The following CNTNAP2 variants were observed in gnomAD, a reference collection of about 807,000 sequenced individuals.
CNTNAP2 encodes contactin-associated protein-like 2.
A neutral mutation model predicts 155.2 loss-of-function variants in CNTNAP2; 98 were observed. The observed-to-expected ratio is 0.63, with a 90% confidence interval of 0.54 to 0.75. The LOEUF (loss-of-function observed/expected upper bound fraction) is 0.75. Ranked by LOEUF, CNTNAP2 falls within the 30% of genes least tolerant of loss-of-function variation. The probability of loss-of-function intolerance (pLI) is 0.00; values close to 1 mark genes in which losing one functional copy is unlikely to be tolerated. For missense variants in CNTNAP2, 1,727 were observed against 1,688.1 expected (o/e 1.02, Z -0.40); for synonymous variants, 651 against 631.2 (o/e 1.03, Z -0.47).
chr7:146,671,204 A>C (rs1800298356), intron 1 of CNTNAP2, among the ~76,000 whole-genome samples: 1 of 152,194 alleles, frequency 6.6e-6, no homozygotes, highest in Non-Finnish European at 1.5e-5. Flanking sequence ...CAGTGAAGTC[A>C]TTAGTCTACT....
intron 13 of CNTNAP2, among the ~76,000 whole-genome samples, chr7:147,772,818 T>C (rs1020045452): frequency 6.6e-6 from 1 of 152,066 alleles, no homozygotes; most frequent in Non-Finnish European, 1.5e-5. Context: ...AACCATGTCA[T>C]TCCACACCCT....
chr7:147,366,140 G>A (rs191984896), intron 9 of CNTNAP2, among the ~76,000 whole-genome samples: 3 of 152,216 alleles, frequency 2.0e-5, no homozygotes, highest in East Asian at 1.9e-4. Flanking sequence ...CTATTCAGGC[G>A]TGCTGTTCTT....
intron 1 of CNTNAP2, among the ~76,000 whole-genome samples, chr7:146,177,918 G>A (rs1798492687): frequency 6.6e-6 from 1 of 152,188 alleles, no homozygotes; most frequent in Non-Finnish European, 1.5e-5. Context: ...GAACCATATT[G>A]TAGAGATTTC....
At chr7:146,396,226 G>A (rs1174812201) in intron 1 of CNTNAP2, among the ~76,000 whole-genome samples, 2 of 152,042 alleles carry the variant, frequency 1.3e-5, no homozygotes, top group African/African-American at 2.4e-5. Flanking sequence ...TTTCATAAAT[G>A]TGTTCTTTTC....
At chr7:146,979,011 A>G (rs1797964936) in intron 3 of CNTNAP2, among the ~76,000 whole-genome samples, 1 of 152,236 alleles carries the variant, frequency 6.6e-6, no homozygotes, top group African/African-American at 2.4e-5. Flanking sequence ...TGAAGATCTT[A>G]TTGATTTTCT....
At chr7:147,542,755 T>C (rs1451283277) in intron 11 of CNTNAP2, among the ~76,000 whole-genome samples, 1 of 152,242 alleles carries the variant, frequency 6.6e-6, no homozygotes, top group African/African-American at 2.4e-5. Flanking sequence ...AGTGACAATA[T>C]TTATGTGCTC....
At chr7:148,407,547 TAAA>T (rs995258874) in intron 22 of CNTNAP2, among the ~76,000 whole-genome samples, 16 of 151,504 alleles carry the variant, frequency 1.1e-4, no homozygotes, top group Admixed American at 2.0e-4. Context: ...CTACAAAAAA[TAAA>T]AAAATTTGCC....
rs182475819 is a variant in CNTNAP2, at chr7:147,703,825, A to T, written c.2098+64519A>T. Among the ~76,000 whole-genome samples, 210 of 152,056 alleles carry T rather than the reference A, an allele frequency of 1.4e-3. 1 individual carries two copies. Among genetic ancestry groups the T allele is most frequent in the African/African-American group, 4.8e-3 (201 of 41,474 alleles). The stretch of plus-strand genomic sequence containing the variant: ...TCCTTCTACCTAAATGTATGTTTGC[A>T]CTCTTTACCCAACTTCTCTTCGTCT... On this transcript the variant is annotated intron_variant, in intron 13 of 23. Transcript: ENST00000361727.
Position 148,298,915 on chromosome 7 carries a change from G to C in CNTNAP2, c.3475+31789G>C, listed in dbSNP as rs142206444. 5.6e-3 allele frequency among the ~76,000 whole-genome samples: 846 copies of C among 151,948 alleles called. 10 individuals are homozygous for C. Among genetic ancestry groups the C allele is most frequent in the African/African-American group, 0.019 (802 of 41,432 alleles). ...GGTCTCACTAAGTTGTCTATGGCTG[G>C]TCTCGAACTCCTGGGCTCAAGTGAT... On this transcript the variant is annotated intron_variant, in intron 21 of 23. Coordinates refer to ENST00000361727, the MANE Select transcript of CNTNAP2 (RefSeq NM_014141.6).
intron 1 of CNTNAP2, among the ~76,000 whole-genome samples, chr7:146,492,233 G>C (rs979080772): frequency 5.3e-5 from 8 of 149,842 alleles, no homozygotes; most frequent in South Asian, 2.2e-4. Flanking sequence ...CAGGAGGAGA[G>C]AGAGGGGGAG....
chr7:147,569,661 G>T (rs1011204207), intron 12 of CNTNAP2, among the ~76,000 whole-genome samples: 3 of 152,164 alleles, frequency 2.0e-5, no homozygotes, highest in Non-Finnish European at 4.4e-5. Flanking sequence ...ATTTGTGTAA[G>T]TACACTCTAT....
At chr7:147,434,528 T>C (rs757417763) in intron 10 of CNTNAP2, among the ~76,000 whole-genome samples, 1 of 152,194 alleles carries the variant, frequency 6.6e-6, no homozygotes, top group Non-Finnish European at 1.5e-5. Context: ...TCAAGAATAA[T>C]ATTTAAAGGC....
intron 13 of CNTNAP2, among the ~76,000 whole-genome samples, chr7:147,748,446 C>T (rs896049928): frequency 6.6e-6 from 1 of 152,012 alleles, no homozygotes; most frequent in Admixed American, 6.6e-5. Context: ...TTTATTGGTA[C>T]ACTTAATGAT....
chr7:147,877,058 A>G (rs1799433063), intron 13 of CNTNAP2, among the ~76,000 whole-genome samples: 1 of 152,222 alleles, frequency 6.6e-6, no homozygotes, highest in Non-Finnish European at 1.5e-5. Context: ...AGTGGTAGCC[A>G]GTCAGGTTAG....
chr7:147,530,134 T>C (rs555400963), intron 11 of CNTNAP2, among the ~76,000 whole-genome samples: 137 of 151,838 alleles, frequency 9.0e-4, no homozygotes, highest in Admixed American at 4.2e-3. Flanking sequence ...ATTGGACTTA[T>C]AGTTCCACAT....
intron 13 of CNTNAP2, among the ~76,000 whole-genome samples, chr7:147,824,581 T>C (rs1196079499): frequency 6.6e-6 from 1 of 152,092 alleles, no homozygotes; most frequent in Non-Finnish European, 1.5e-5. Context: ...AATATGAGTA[T>C]CAAAAAAGGT....
chr7:146,862,891 G>A lies in CNTNAP2; in HGVS notation c.402+22987G>A, dbSNP rs1795132482. On this transcript the variant is annotated intron_variant, in intron 3 of 23. Coordinates refer to ENST00000361727, the MANE Select transcript of CNTNAP2 (RefSeq NM_014141.6). ...ATTCTGGTTCCCCCAGTTATTAAAA[G>A]TGTTTTGAACAGATTCAGTAATAAA... 1.3e-5 allele frequency among the ~76,000 whole-genome samples: 2 copies of A among 152,164 alleles called. 1 individual carries two copies. The highest frequency in any genetic ancestry group is 1.3e-4 in the Admixed American group (2 of 15,258).
At chr7:148,113,985 C>T (rs929806367) in intron 15 of CNTNAP2, among the ~76,000 whole-genome samples, 5 of 152,204 alleles carry the variant, frequency 3.3e-5, no homozygotes, top group African/African-American at 1.2e-4. Context: ...TCCACTTATC[C>T]GTGCTGGCCT....
intron 18 of CNTNAP2, among the ~76,000 whole-genome samples, chr7:148,203,432 T>A (rs1795397611): frequency 6.6e-6 from 1 of 152,184 alleles, no homozygotes; most frequent in Non-Finnish European, 1.5e-5. Flanking sequence ...AGTATTATAT[T>A]TTGAATGTAT....
Sources: gnomAD v4.1 joint callset for allele counts (sites outside exome capture counted in the v4.1 genomes callset) on GRCh38, gnomAD v4.1.1 for gene constraint, MANE v1.5 for transcripts, NCBI Gene and HGNC (gene_info 2026-07-23, HGNC 2026-07-21) for gene names.